The following DNAH6 variants were observed in gnomAD, a reference collection of about 807,000 sequenced individuals.
DNAH6 encodes dynein axonemal heavy chain 6.
In DNAH6, 340 loss-of-function variants were observed where a neutral mutation model predicts 491.4. The ratio of observed to expected loss-of-function variants is 0.69; its 90% confidence interval spans 0.63 to 0.76. The LOEUF (loss-of-function observed/expected upper bound fraction) is 0.76. Among genes scored for constraint, DNAH6 ranks in the 30% least tolerant of loss-of-function variants. DNAH6 has a pLI of 0.00. For missense variants in DNAH6, 4,443 were observed against 4,972.2 expected (o/e 0.89, Z 3.20); for synonymous variants, 1,603 against 1,686.1 (o/e 0.95, Z 1.21).
At chr2:84,592,705 G>A (rs2104145125) in intron 16 of DNAH6, among the ~76,000 whole-genome samples, 1 of 152,274 alleles carries the variant, frequency 6.6e-6, no homozygotes, top group East Asian at 1.9e-4. Flanking sequence ...GCAGATGAAT[G>A]GATAAAGAAA....
chr2:84,652,846 T>C (rs1690583216), intron 33 of DNAH6, among the ~76,000 whole-genome samples: 1 of 152,040 alleles, frequency 6.6e-6, no homozygotes, highest in South Asian at 2.1e-4. Flanking sequence ...ATTCATCTTA[T>C]TTTTCTGAAT....
Position 84,699,714 on chromosome 2 carries a change from AC to A in DNAH6, c.7800del (p.Ile2601LeufsTer30). Reference sequence around the variant, plus strand: ...GTTTCCATCCCTTGTGAATTGCTGCACCATTGACTGGTTTGTGCAGGTTGGT... The same window carrying A: ...GTTTCCATCCCTTGTGAATTGCTGCACATTGACTGGTTTGTGCAGGTTGGT... ...RMFPSLVNCC[T>X]IDWFVQWPRE... is the part of the protein sequence containing the mutation. On this transcript the variant is annotated frameshift_variant, in exon 48 of 77. Transcript: ENST00000389394. LOFTEE classifies it high-confidence loss of function. The A allele has an allele frequency of 6.4e-7, 1 of 1,551,540 alleles. No homozygotes were observed.
intron 37 of DNAH6, among the ~76,000 whole-genome samples, chr2:84,667,338 C>T (rs1573417549): frequency 6.6e-6 from 1 of 152,128 alleles, no homozygotes; most frequent in Admixed American, 6.5e-5. Context: ...AAAATTTTTA[C>T]AATCTACCCA....
chr2:84,664,425 CAA>C (rs920344009), intron 37 of DNAH6, among the ~76,000 whole-genome samples: 2 of 149,076 alleles, frequency 1.3e-5, no homozygotes, highest in Non-Finnish European at 3.0e-5. Flanking sequence ...AAATAGAAAA[CAA>C]AAAAAAAGCA....
chr2:84,713,004 A>T lies in DNAH6; in HGVS notation c.9379-91A>T. On this transcript the variant is annotated intron_variant, in intron 56 of 76. Coordinates refer to ENST00000389394, the MANE Select transcript of DNAH6 (RefSeq NM_001370.2). Reference sequence around the variant, plus strand: ...CACTGGAAAATTATTCATTCACAGTACATTTTGAGGCCTAAGGAATTTTGT... The same window carrying T: ...CACTGGAAAATTATTCATTCACAGTTCATTTTGAGGCCTAAGGAATTTTGT... 6.6e-6 allele frequency: 7 copies of T among 1,066,820 alleles called. No individual in the cohort carries two copies. In the Admixed American group the frequency reaches 1.9e-4, roughly 29 times the overall value. 66.1% of individuals were successfully genotyped at this position (1,066,820 alleles called of 1,614,324 possible). A position where few individuals can be genotyped will look rare whatever the true frequency, so the allele number is the denominator to read the frequency against.
At chr2:84,704,725 C>T (rs1405703945) in intron 51 of DNAH6, among the ~76,000 whole-genome samples, 1 of 152,150 alleles carries the variant, frequency 6.6e-6, no homozygotes, top group African/African-American at 2.4e-5. Flanking sequence ...GGCAGGAGGC[C>T]AGTGATTGCA....
At chr2:84,753,724 T>C (rs1673692660) in intron 63 of DNAH6, among the ~76,000 whole-genome samples, 1 of 135,870 alleles carries the variant, frequency 7.4e-6, no homozygotes, top group African/African-American at 2.9e-5. Flanking sequence ...ACCATTGCAT[T>C]CCAGCCTGGG....
chr2:84,700,964 A>G, intron 48 of DNAH6, 133 bp from the exon 49 acceptor site: 3 of 1,020,274 alleles, frequency 2.9e-6, no homozygotes, highest in Non-Finnish European at 4.2e-6. Context: ...CACCATAGAC[A>G]TGAGTAGGAG....
At chr2:84,808,875 G>A (rs1474757522) in intron 72 of DNAH6, among the ~76,000 whole-genome samples, 2 of 152,132 alleles carry the variant, frequency 1.3e-5, no homozygotes, top group Non-Finnish European at 2.9e-5. Context: ...TGTCTAGTTT[G>A]CATTTCATAA....
Position 84,677,035 on chromosome 2 carries a change from C to T in DNAH6, c.6643C>T (p.Pro2215Ser), listed in dbSNP as rs568741232. 2.2e-5 allele frequency: 34 copies of T among 1,551,760 alleles called. No individual in the cohort carries two copies. In the Admixed American group the frequency reaches 5.1e-4, roughly 23 times the overall value. Reference sequence around the variant, plus strand: ...AACAATCATATCGGCATGTGCACCTCCAGGCGGTGGCCGCAACCCTGTGAC... The same window carrying T: ...AACAATCATATCGGCATGTGCACCTTCAGGCGGTGGCCGCAACCCTGTGAC... ...DVTIISACAP[P>S]GGGRNPVTPR... The change falls in exon 41 of 77, where the codon CCA (proline) becomes TCA (serine). Residue 2215 changes from proline (P) to serine (S), a missense_variant. Transcript: ENST00000389394.
intron 32 of DNAH6, among the ~76,000 whole-genome samples, chr2:84,641,575 G>T (rs116372725): frequency 6.6e-6 from 1 of 152,154 alleles, no homozygotes. Flanking sequence ...GGGAGTCACT[G>T]GGCTGGGTTT....
chr2:84,514,469 T>C (rs990555322), upstream of DNAH6, among the ~76,000 whole-genome samples: 1 of 152,192 alleles, frequency 6.6e-6, no homozygotes, highest in Admixed American at 6.5e-5. Flanking sequence ...ATATAAATCT[T>C]AACCTAATGC....
the DNAH6 span, among the ~76,000 whole-genome samples, chr2:84,466,957 C>G: frequency 2.0e-5 from 3 of 152,296 alleles, no homozygotes; most frequent in South Asian, 4.1e-4. Context: ...AGTTTTGGAA[C>G]ACATATACCA....
chr2:84,540,784 A>G (rs973457898), intron 4 of DNAH6, among the ~76,000 whole-genome samples: 14 of 152,202 alleles, frequency 9.2e-5, no homozygotes, highest in East Asian at 1.9e-4. Context: ...CTACTGTAAA[A>G]TAATTTGACA....
At chr2:84,682,258 G>A (rs182344050) in intron 42 of DNAH6, among the ~76,000 whole-genome samples, 45 of 152,256 alleles carry the variant, frequency 3.0e-4, no homozygotes, top group African/African-American at 8.2e-4. Context: ...CAATGTCCAC[G>A]CAACTTTCCC....
chr2:84,741,308 C>T (rs999210905), intron 62 of DNAH6, among the ~76,000 whole-genome samples: 1 of 152,084 alleles, frequency 6.6e-6, no homozygotes, highest in Admixed American at 6.5e-5. Context: ...GATCACTGCC[C>T]AGGCAGGCAG....
chr2:84,701,732 GGAT>G (rs1695920025), intron 49 of DNAH6, among the ~76,000 whole-genome samples: 1 of 152,114 alleles, frequency 6.6e-6, no homozygotes, highest in South Asian at 2.1e-4. Context: ...ACCAAAGGGA[GGAT>G]GGTGGTAAGC....
chr2:84,747,537 G>A (rs1232553673), intron 63 of DNAH6, among the ~76,000 whole-genome samples: 1 of 152,172 alleles, frequency 6.6e-6, no homozygotes, highest in African/African-American at 2.4e-5. Flanking sequence ...ATGGCCTTTT[G>A]GGGAGCTGTC....
Position 84,787,239 on chromosome 2 carries a change from C to G in DNAH6, c.11176C>G (p.Leu3726Val). Residue 3726 changes from leucine to valine, a missense_variant, in exon 68 of 77, where the codon CTG becomes GTG. Leu to Val is a conservative substitution (Grantham distance 32). Transcript: ENST00000389394. ...FNDSDRECALLNLKLYCKEGK... is the reference protein window; with the variant it reads ...FNDSDRECALVNLKLYCKEGK... ...TGACAGTGACAGGGAATGTGCTTTA[C>G]TGAATCTCAAACTCTATTGTAAAGA... 1 of 1,546,062 alleles carries G rather than the reference C, an allele frequency of 6.5e-7. No individual in the cohort carries two copies. Among genetic ancestry groups the G allele is most frequent in the Non-Finnish European group, 8.7e-7 (1 of 1,142,884 alleles).
Sources: allele counts gnomAD v4.1 joint callset (sites outside exome capture counted in the v4.1 genomes callset), GRCh38; gene constraint gnomAD v4.1.1; transcripts MANE v1.5; gene names NCBI Gene and HGNC (gene_info 2026-07-23, HGNC 2026-07-21).